Variants in RGL1 observed in about 807,000 individuals in gnomAD.
RGL1 encodes the protein ral guanine nucleotide dissociation stimulator like 1.
A neutral mutation model predicts 95.2 loss-of-function variants in RGL1; 24 were observed. That is an observed-to-expected ratio of 0.25 (90% CI 0.18 to 0.35). The LOEUF is 0.35. RGL1 is among the 10% of genes least tolerant of loss of function. The pLI is 1.00. For missense variants in RGL1, 715 were observed against 936.3 expected (o/e 0.76, Z 3.08); for synonymous variants, 329 against 344.9 (o/e 0.95, Z 0.51).
chr1:183,814,697 T>C (rs575178982), intron 2 of RGL1, among the ~76,000 whole-genome samples: 1 of 152,288 alleles, frequency 6.6e-6, no homozygotes, highest in East Asian at 1.9e-4. Flanking sequence ...CTGAAGACAA[T>C]TTGAAGGCAA....
At chr1:183,641,153 G>A (rs1649895407) in intron 1 of RGL1, among the ~76,000 whole-genome samples, 2 of 151,876 alleles carry the variant, frequency 1.3e-5, no homozygotes, top group Admixed American at 1.3e-4. Context: ...TTAAATAATT[G>A]CCACAAGATC....
intron 1 of RGL1, among the ~76,000 whole-genome samples, chr1:183,666,802 T>C: frequency 6.6e-6 from 1 of 151,442 alleles, no homozygotes; most frequent in East Asian, 1.9e-4. Flanking sequence ...GTGTTTCCTG[T>C]TAGCTTGAGA....
chr1:183,793,574 G>A (rs543863616), intron 2 of RGL1, among the ~76,000 whole-genome samples: 141 of 151,338 alleles, frequency 9.3e-4, no homozygotes, highest in Non-Finnish European at 1.7e-3. Flanking sequence ...AACTCAACAG[G>A]AAAAAACAAA....
intron 1 of RGL1, among the ~76,000 whole-genome samples, chr1:183,714,134 T>C (rs953082830): frequency 1.2e-4 from 18 of 152,242 alleles, no homozygotes; most frequent in African/African-American, 4.3e-4. Context: ...ATTTTTTGAA[T>C]GAACACATGT....
chr1:183,716,359 G>T (rs1391430396), intron 1 of RGL1, among the ~76,000 whole-genome samples: 1 of 152,172 alleles, frequency 6.6e-6, no homozygotes, highest in African/African-American at 2.4e-5. Flanking sequence ...AATCATAAAA[G>T]AAGTTTATTT....
intron 2 of RGL1, among the ~76,000 whole-genome samples, chr1:183,798,860 C>T (rs1407889883): frequency 6.6e-6 from 1 of 150,568 alleles, no homozygotes; most frequent in African/African-American, 2.4e-5. Flanking sequence ...TTTATGTAGC[C>T]ACAGATGGCA....
chr1:183,830,631 G>A (rs1231074287), intron 2 of RGL1, among the ~76,000 whole-genome samples: 2 of 151,676 alleles, frequency 1.3e-5, no homozygotes, highest in Non-Finnish European at 2.9e-5. Flanking sequence ...AGAGATCTTT[G>A]TTATGTGTAG....
upstream of RGL1, among the ~76,000 whole-genome samples, chr1:183,801,784 C>T (rs898494207): frequency 2.0e-5 from 3 of 152,098 alleles, no homozygotes; most frequent in Non-Finnish European, 4.4e-5. Context: ...GGTGAGGCAG[C>T]GCATGCAGAG....
intron 15 of RGL1, among the ~76,000 whole-genome samples, chr1:183,912,905 A>G (rs948714902): frequency 8.5e-5 from 13 of 152,214 alleles, no homozygotes; most frequent in African/African-American, 3.1e-4. Context: ...TCTATTGGCT[A>G]AAGTAATCAT....
intron 2 of RGL1, among the ~76,000 whole-genome samples, chr1:183,798,714 C>T (rs1660821598): frequency 6.6e-6 from 1 of 151,540 alleles, no homozygotes; most frequent in East Asian, 1.9e-4. Flanking sequence ...CCACATTTCT[C>T]CCACCCCCTC....
intron 1 of RGL1, among the ~76,000 whole-genome samples, chr1:183,681,709 T>A (rs936830579): frequency 1.3e-5 from 2 of 152,062 alleles, no homozygotes; most frequent in Non-Finnish European, 2.9e-5. Context: ...TACGGAGGAG[T>A]TCCTCTCTTT....
intron 2 of RGL1, among the ~76,000 whole-genome samples, chr1:183,788,031 A>G (rs1253624220): frequency 1.3e-5 from 2 of 152,142 alleles, no homozygotes; most frequent in Middle Eastern, 3.2e-3. Flanking sequence ...GTATTCCTTT[A>G]TAGCAACACA....
intron 9 of RGL1, among the ~76,000 whole-genome samples, chr1:183,893,359 A>C (rs762855853): frequency 6.6e-6 from 1 of 152,248 alleles, no homozygotes; most frequent in Non-Finnish European, 1.5e-5. Flanking sequence ...TGTTGACTTC[A>C]TAGAATTGTT....
At chr1:183,769,414 A>C (rs1048304857) in intron 2 of RGL1, among the ~76,000 whole-genome samples, 4 of 152,252 alleles carry the variant, frequency 2.6e-5, no homozygotes, top group Non-Finnish European at 5.9e-5. Context: ...TTCCAAAGTC[A>C]CATCTACTTT....
intron 1 of RGL1, among the ~76,000 whole-genome samples, chr1:183,671,115 C>T (rs1323556791): frequency 6.6e-6 from 1 of 152,174 alleles, no homozygotes; most frequent in East Asian, 1.9e-4. Context: ...ATAAAACCAT[C>T]AGATCTTGTG....
intron 1 of RGL1, among the ~76,000 whole-genome samples, chr1:183,686,539 T>C (rs574957596): frequency 6.6e-6 from 1 of 152,328 alleles, no homozygotes; most frequent in East Asian, 1.9e-4. Flanking sequence ...TTGGATTTAT[T>C]GGGCACTGGA....
chr1:183,675,919 G>A (rs1652798519), intron 1 of RGL1, among the ~76,000 whole-genome samples: 1 of 152,196 alleles, frequency 6.6e-6, no homozygotes, highest in Non-Finnish European at 1.5e-5. Flanking sequence ...GCTGAGGCAG[G>A]AGGGTCACTT....
Position 183,806,380 on chromosome 1 carries a change from G to C in RGL1, c.33G>C (p.Ser11=), listed in dbSNP as rs372557691. The part of the protein sequence containing the change: MKLLWQAKMS[S]IQDWGEEVEE... ...CTTTATCCCGTCCCTGGCAGAGCTC[G>C]ATTCAGGACTGGGGTGAAGAGGTAG... The change falls in exon 2 of 18, where the codon TCG becomes TCC. Residue 11 remains serine (S), a synonymous_variant. Coordinates refer to ENST00000360851, the MANE Select transcript of RGL1 (RefSeq NM_001297671.3). 1 of 1,612,996 alleles carries C rather than the reference G, an allele frequency of 6.2e-7. No individual in the cohort carries two copies. Among genetic ancestry groups the C allele is most frequent in the African/African-American group, 1.3e-5 (1 of 74,866 alleles).
chr1:183,713,911 A>C (rs1364699616), intron 1 of RGL1, among the ~76,000 whole-genome samples: 1 of 152,198 alleles, frequency 6.6e-6, no homozygotes, highest in Non-Finnish European at 1.5e-5. Context: ...GTGCTCAATA[A>C]ATATTTGTTT....
Sources: allele counts gnomAD v4.1 joint callset (sites outside exome capture counted in the v4.1 genomes callset), GRCh38; gene constraint gnomAD v4.1.1; transcripts MANE v1.5; gene names NCBI Gene and HGNC (gene_info 2026-07-23, HGNC 2026-07-21).